Variants in SNTB1 observed in about 807,000 individuals in gnomAD.
The protein encoded by SNTB1 is syntrophin beta 1.
In SNTB1, 36 loss-of-function variants were observed where a neutral mutation model predicts 48.9. The observed-to-expected ratio is 0.74, with a 90% confidence interval of 0.56 to 0.97. The LOEUF (loss-of-function observed/expected upper bound fraction) is 0.97, where lower values mean the gene tolerates loss of function less well. SNTB1 is among the 50% of genes least tolerant of loss of function. SNTB1 has a pLI of 0.00. For missense variants in SNTB1, 786 were observed against 703.4 expected (o/e 1.12, Z -1.33); for synonymous variants, 299 against 294.6 (o/e 1.01, Z -0.15).
intron 2 of SNTB1, among the ~76,000 whole-genome samples, chr8:120,635,036 G>T (rs1817051718): frequency 6.6e-6 from 1 of 151,996 alleles, no homozygotes; most frequent in Non-Finnish European, 1.5e-5. Context: ...GGTATTTTTA[G>T]TAGAGACGGG....
rs532126008 is a variant in SNTB1, at chr8:120,671,148, G to T, written c.788+22544C>A. Reference sequence around the variant, plus strand: ...TCCAATCCTGTGGATCTGGGATGGGGCCAGGAATCTATATTTTTATCCACT... The same window carrying T: ...TCCAATCCTGTGGATCTGGGATGGGTCCAGGAATCTATATTTTTATCCACT... On this transcript the variant is annotated intron_variant, in intron 2 of 6. Coordinates refer to ENST00000517992, the MANE Select transcript of SNTB1 (RefSeq NM_021021.4). Among the ~76,000 whole-genome samples, 22 of 152,214 alleles carry T rather than the reference G, an allele frequency of 1.4e-4. No homozygotes were observed. In the South Asian group the frequency reaches 4.1e-3, roughly 29 times the overall value.
intron 4 of SNTB1, among the ~76,000 whole-genome samples, chr8:120,552,847 G>A (rs1239564043): frequency 6.6e-6 from 1 of 152,000 alleles, no homozygotes; most frequent in African/African-American, 2.4e-5. Context: ...CCATAATGTA[G>A]AATCAGTGGG....
chr8:120,550,842 A>G (rs1219620282), intron 4 of SNTB1, among the ~76,000 whole-genome samples: 1 of 152,268 alleles, frequency 6.6e-6, no homozygotes, highest in Non-Finnish European at 1.5e-5. Flanking sequence ...AAAATTCATT[A>G]AGAAAAGGTA....
intron 3 of SNTB1, among the ~76,000 whole-genome samples, chr8:120,594,045 G>C (rs1007618081): frequency 4.7e-5 from 7 of 149,652 alleles, no homozygotes; most frequent in African/African-American, 1.7e-4. Flanking sequence ...AAGGAGCTCA[G>C]TACATGTCTT....
intron 5 of SNTB1, among the ~76,000 whole-genome samples, chr8:120,546,881 A>G (rs547683092): frequency 6.6e-6 from 1 of 152,314 alleles, no homozygotes; most frequent in East Asian, 1.9e-4. Flanking sequence ...TGTTTTGGAG[A>G]GTGGCATGAA....
chr8:120,701,249 G>A (rs951205872), intron 1 of SNTB1, among the ~76,000 whole-genome samples: 10 of 152,150 alleles, frequency 6.6e-5, no homozygotes, highest in South Asian at 2.1e-4. Flanking sequence ...CTAATGTCTC[G>A]AGAGGCTGAA....
At chr8:120,577,393 C>A (rs773165187) in intron 3 of SNTB1, among the ~76,000 whole-genome samples, 17 of 152,134 alleles carry the variant, frequency 1.1e-4, no homozygotes, top group Non-Finnish European at 1.8e-4. Flanking sequence ...TCCAACAGAA[C>A]AACAGCATCT....
rs568803579 is a variant in SNTB1, at chr8:120,584,698, T to G, written c.997-9473A>C. On this transcript the variant is annotated intron_variant, in intron 3 of 6. Transcript: ENST00000517992. Reference sequence around the variant, plus strand: ...TCATATGTTGAAGTCCTGACCCCAGTACCTCAGAATGTGACCTGATCTGGA... The same window carrying G: ...TCATATGTTGAAGTCCTGACCCCAGGACCTCAGAATGTGACCTGATCTGGA... Among the ~76,000 whole-genome samples, 8 of 152,130 alleles carry G rather than the reference T, an allele frequency of 5.3e-5. No homozygotes were observed. In the South Asian group the frequency reaches 1.7e-3, roughly 32 times the overall value.
chr8:120,561,429 T>C (rs1815658623), intron 4 of SNTB1, among the ~76,000 whole-genome samples: 1 of 152,152 alleles, frequency 6.6e-6, no homozygotes, highest in Non-Finnish European at 1.5e-5. Context: ...TGTGCTGCTC[T>C]TCTCCAGAGG....
chr8:120,796,994 G>A (rs1305971178), intron 1 of SNTB1, among the ~76,000 whole-genome samples: 1 of 152,042 alleles, frequency 6.6e-6, no homozygotes, highest in Admixed American at 6.6e-5. Flanking sequence ...AAATACAGTA[G>A]CTGAGAATGG....
At chr8:120,722,234 G>A (rs1196179052) in intron 1 of SNTB1, among the ~76,000 whole-genome samples, 1 of 152,162 alleles carries the variant, frequency 6.6e-6, no homozygotes, top group Non-Finnish European at 1.5e-5. Context: ...ATAGTAGCAT[G>A]ATTTATAATC....
intron 1 of SNTB1, among the ~76,000 whole-genome samples, chr8:120,767,000 T>G (rs1819537095): frequency 6.6e-6 from 1 of 152,202 alleles, no homozygotes; most frequent in Non-Finnish European, 1.5e-5. Context: ...AAAATATTTA[T>G]GTAATCAAAA....
intron 4 of SNTB1, among the ~76,000 whole-genome samples, chr8:120,564,211 G>A (rs1012962579): frequency 2.6e-5 from 4 of 152,250 alleles, no homozygotes; most frequent in African/African-American, 9.6e-5. Flanking sequence ...CAAGGTGACT[G>A]TATTTGAGAT....
chr8:120,771,021 A>AT (rs1042528036), intron 1 of SNTB1, among the ~76,000 whole-genome samples: 9 of 152,170 alleles, frequency 5.9e-5, no homozygotes, highest in African/African-American at 1.9e-4. Context: ...CTGGATTGTC[A>AT]TTTTTTACCC....
At position 120,541,904 on chromosome 8, in the gene SNTB1, G is replaced by A. The variant is rs748064595; in HGVS notation, c.1430C>T (p.Thr477Ile). The A allele has an allele frequency of 3.7e-6, 6 of 1,613,894 alleles. No homozygotes were observed. The highest frequency in any genetic ancestry group is 5.1e-6 in the Non-Finnish European group (6 of 1,179,796). Residue 477 changes from threonine to isoleucine, a missense_variant, in exon 6 of 7, where the codon ACC becomes ATC. Physicochemically the swap from Thr to Ile is moderately conservative, Grantham distance 89. Coordinates refer to ENST00000517992, the MANE Select transcript of SNTB1 (RefSeq NM_021021.4). ...TEPQEGAFPK[T>I]IIQSPYEKLK... ...CTTTTCATAAGGAGACTGTATGATG[G>A]TCTTGGGAAAGGCACCCTCCTGTGG...
At position 120,660,621 on chromosome 8, in the gene SNTB1, T is replaced by C. The variant is rs148594361; in HGVS notation, c.789-27970A>G. On this transcript the variant is annotated intron_variant, in intron 2 of 6. Transcript: ENST00000517992. ...TTGCTTTCTTATCATTTGCATTCAC[T>C]GGAGTAGCACTTTTGGTTTCCTTCA... Among the ~76,000 whole-genome samples the C allele has an allele frequency of 3.0e-4, 45 of 152,368 alleles. 1 individual carries two copies. In the East Asian group the frequency reaches 8.3e-3, roughly 28 times the overall value.
rs1244088595 is a variant in SNTB1 at position 120,554,317 on chromosome 8, C to T, written c.1137-5359G>A. Among the ~76,000 whole-genome samples the T allele has an allele frequency of 2.6e-5, 4 of 152,082 alleles. No individual in the cohort carries two copies. The South Asian group carries it at 6.2e-4, about 24-fold the overall frequency. Reference sequence around the variant, plus strand: ...TGCCCTGAGCTGCTGGGACAGGCTCCGTCTGGCCACCCTTGACTCTGAACT... The same window carrying T: ...TGCCCTGAGCTGCTGGGACAGGCTCTGTCTGGCCACCCTTGACTCTGAACT... On this transcript the variant is annotated intron_variant, in intron 4 of 6. Coordinates refer to ENST00000517992, the MANE Select transcript of SNTB1 (RefSeq NM_021021.4).
chr8:120,784,133 A>G (rs1230851161), intron 1 of SNTB1, among the ~76,000 whole-genome samples: 1 of 152,074 alleles, frequency 6.6e-6, no homozygotes, highest in Non-Finnish European at 1.5e-5. Flanking sequence ...AGCTGGGATT[A>G]CAGGCACCCA....
chr8:120,768,285 C>T (rs1234196400), intron 1 of SNTB1, among the ~76,000 whole-genome samples: 2 of 152,210 alleles, frequency 1.3e-5, no homozygotes, highest in Non-Finnish European at 2.9e-5. Flanking sequence ...ACTAGAACTT[C>T]AGCCATGTGC....
Sources: gnomAD v4.1 joint callset for allele counts (sites outside exome capture counted in the v4.1 genomes callset) on GRCh38, gnomAD v4.1.1 for gene constraint, MANE v1.5 for transcripts, NCBI Gene and HGNC (gene_info 2026-07-23, HGNC 2026-07-21) for gene names.